The following HELZ variants were observed in gnomAD, a reference collection of about 807,000 sequenced individuals.
The protein encoded by HELZ is ATP-dependent RNA helicase with zinc finger domain.
HELZ carries 23 observed loss-of-function variants against 218.2 expected under a neutral mutation model. The ratio of observed to expected loss-of-function variants is 0.11; its 90% confidence interval spans 0.08 to 0.15. The LOEUF is 0.15. Among genes scored for constraint, HELZ ranks in the 10% least tolerant of loss-of-function variants. The pLI, the probability that HELZ is intolerant of heterozygous loss-of-function variation, is 1.00. For missense variants in HELZ, 1,813 were observed against 2,353.7 expected, an observed-to-expected ratio of 0.77 and a Z score of 4.75; for synonymous variants, 814 against 829.4, an observed-to-expected ratio of 0.98 and a Z score of 0.32.
At chr17:67,148,025 T>C (rs536003153) in intron 20 of HELZ, among the ~76,000 whole-genome samples, 1 of 152,318 alleles carries the variant, frequency 6.6e-6, no homozygotes, top group South Asian at 2.1e-4. Context: ...TTTCCATGCA[T>C]TCTGTGAGCC....
intron 28 of HELZ, among the ~76,000 whole-genome samples, chr17:67,112,384 C>A (rs147124504): frequency 1.3e-5 from 2 of 152,194 alleles, no homozygotes; most frequent in Non-Finnish European, 2.9e-5. Flanking sequence ...CGATTGGTTT[C>A]GTCCCAAGCT....
At chr17:67,198,303 T>C (rs537688821) in intron 7 of HELZ, among the ~76,000 whole-genome samples, 15 of 152,340 alleles carry the variant, frequency 9.8e-5, no homozygotes, top group Admixed American at 5.2e-4. Context: ...CCTGTAAGAA[T>C]CAGTGACGAC....
chr17:67,148,071 A>T (rs1383095607), intron 20 of HELZ, among the ~76,000 whole-genome samples: 3 of 152,334 alleles, frequency 2.0e-5, no homozygotes, highest in South Asian at 2.1e-4. Context: ...AGACCCAAAA[A>T]GAGGGTCGCA....
intron 5 of HELZ, among the ~76,000 whole-genome samples, chr17:67,213,696 TA>T (rs1295900217): frequency 1.3e-5 from 2 of 151,326 alleles, no homozygotes; most frequent in Non-Finnish European, 1.5e-5. Context: ...GACTATCCTA[TA>T]AAAAAAAGGG....
chr17:67,084,514 T>A (rs2143562719), intron 32 of HELZ, among the ~76,000 whole-genome samples: 2 of 151,132 alleles, frequency 1.3e-5, no homozygotes, highest in East Asian at 2.0e-4. Flanking sequence ...ACACAAAAAA[T>A]TAGCCGGGCG....
chr17:67,244,785 G>A (rs1248395003), intron 1 of HELZ: 2 of 985,210 alleles, frequency 2.0e-6, no homozygotes, highest in East Asian at 1.1e-4. Context: ...CGGAGGAGGG[G>A]AACGTGCCGG....
intron 6 of HELZ, 39 bp from the exon 7 acceptor site, chr17:67,201,224 TATTA>T: frequency 7.3e-7 from 1 of 1,374,768 alleles, no homozygotes; most frequent in African/African-American, 1.4e-5. Flanking sequence ...CCAATTAGTA[TATTA>T]ATTCTTTACT....
chr17:67,134,078 G>A (rs1031361371), intron 23 of HELZ, among the ~76,000 whole-genome samples: 3 of 152,028 alleles, frequency 2.0e-5, no homozygotes, highest in Non-Finnish European at 4.4e-5. Flanking sequence ...CTATTCATTT[G>A]TAACTCAGAA....
intron 12 of HELZ, among the ~76,000 whole-genome samples, chr17:67,179,234 G>A (rs534632941): frequency 6.6e-6 from 1 of 152,210 alleles, no homozygotes; most frequent in East Asian, 1.9e-4. Flanking sequence ...TCAGTCAAGA[G>A]AAATTTGAAT....
intron 27 of HELZ, among the ~76,000 whole-genome samples, chr17:67,118,670 G>A (rs574653233): frequency 1.0e-5 from 1 of 97,764 alleles, no homozygotes; most frequent in African/African-American, 4.0e-5. Context: ...GCCCAACACA[G>A]CAAGACTCTG....
chr17:67,164,219 A>T (rs1157838276), intron 15 of HELZ, among the ~76,000 whole-genome samples: 2 of 152,228 alleles, frequency 1.3e-5, no homozygotes, highest in African/African-American at 4.8e-5. Context: ...TCACGAATTA[A>T]TTGATAAACT....
chr17:67,164,467 G>C (rs997982195), intron 15 of HELZ, among the ~76,000 whole-genome samples: 1 of 152,132 alleles, frequency 6.6e-6, no homozygotes, highest in African/African-American at 2.4e-5. Flanking sequence ...AGGGGGAAAT[G>C]AGTTGTCCGA....
chr17:67,114,318 G>A lies in HELZ; in HGVS notation c.3918+6C>T. ...ACTAGGACAACACAGTAACTAAGCA[G>A]CATACCTGTTTTGGTTCTGTTGGCT... On this transcript the variant is annotated splice_donor_region_variant and intron_variant, in intron 28 of 32. Coordinates refer to ENST00000358691, the MANE Select transcript of HELZ (RefSeq NM_014877.4). The A allele has an allele frequency of 3.8e-6, 6 of 1,584,160 alleles. No homozygotes were observed. Among genetic ancestry groups the A allele is most frequent in the Non-Finnish European group, 5.2e-6 (6 of 1,152,932 alleles).
chr17:67,169,279 G>A (rs2039241944), intron 13 of HELZ, among the ~76,000 whole-genome samples: 1 of 152,166 alleles, frequency 6.6e-6, no homozygotes, highest in African/African-American at 2.4e-5. Context: ...CAGAATACCT[G>A]AGACTGGATA....
chr17:67,186,074 G>A (rs963625905), intron 12 of HELZ, among the ~76,000 whole-genome samples: 1 of 151,870 alleles, frequency 6.6e-6, no homozygotes, highest in Non-Finnish European at 1.5e-5. Flanking sequence ...AGGCACTGTG[G>A]CCTCAAGGGC....
At chr17:67,078,677 T>C in intron 32 of HELZ, 91 bp from the exon 33 acceptor site, 1 of 913,168 alleles carries the variant, frequency 1.1e-6, no homozygotes, top group Non-Finnish European at 1.5e-6. Flanking sequence ...CTGGCTCTCA[T>C]CTCCAGGAAC....
chr17:67,197,962 C>T (rs903114530), intron 7 of HELZ, among the ~76,000 whole-genome samples: 3 of 151,608 alleles, frequency 2.0e-5, no homozygotes, highest in East Asian at 1.9e-4. Context: ...TAGCATTCTA[C>T]GCTGCAAAAA....
chr17:67,160,697 C>T (rs1184675758), intron 16 of HELZ, among the ~76,000 whole-genome samples, 200 bp downstream of exon 16: 1 of 152,142 alleles, frequency 6.6e-6, no homozygotes, highest in Non-Finnish European at 1.5e-5. Flanking sequence ...GTCTATACTA[C>T]CAATTCTAAA....
intron 27 of HELZ, among the ~76,000 whole-genome samples, chr17:67,116,704 C>T (rs1396411514): frequency 6.6e-6 from 1 of 152,124 alleles, no homozygotes; most frequent in African/African-American, 2.4e-5. Context: ...CAAGAACTCA[C>T]AGAACTTAGA....
Sources: gnomAD v4.1 joint callset for allele counts (sites outside exome capture counted in the v4.1 genomes callset) on GRCh38, gnomAD v4.1.1 for gene constraint, MANE v1.5 for transcripts, NCBI Gene and HGNC (gene_info 2026-07-23, HGNC 2026-07-21) for gene names.